Variants in SUCLA2 observed in about 807,000 individuals in gnomAD.
SUCLA2 encodes the protein succinate-CoA ligase ADP-forming subunit beta, also known as succinate--CoA ligase [ADP-forming] subunit beta, mitochondrial.
SUCLA2 carries 30 observed loss-of-function variants against 54.8 expected under a neutral mutation model. That is an observed-to-expected ratio of 0.55 (90% CI 0.41 to 0.74). The LOEUF (loss-of-function observed/expected upper bound fraction) is 0.74. Ranked by LOEUF, SUCLA2 falls within the 30% of genes least tolerant of loss-of-function variation. SUCLA2 has a pLI of 0.00. For synonymous variants in SUCLA2, 172 were observed against 188.9 expected (o/e 0.91, Z 0.74); for missense variants, 476 against 562.9 (o/e 0.85, Z 1.56).
chr13:47,983,489 CTTTTTT>C (rs10548877), intron 4 of SUCLA2, among the ~76,000 whole-genome samples: 10 of 132,496 alleles, frequency 7.5e-5, no homozygotes, highest in Admixed American at 3.0e-4. Context: ...TTTCTTTTCC[CTTTTTT>C]TTTTTTTTTT....
At chr13:47,996,626 G>C (rs1439333109) in intron 2 of SUCLA2, among the ~76,000 whole-genome samples, 2 of 151,816 alleles carry the variant, frequency 1.3e-5, no homozygotes, top group Non-Finnish European at 2.9e-5. Context: ...GCCAATGTAA[G>C]TGACTCCCAC....
Position 47,954,288 on chromosome 13 carries a change from T to C in SUCLA2, c.965-6A>G, listed in dbSNP as rs759994740. ...AGCCAAACCAGCACCATTTACTATA[T>C]AGGGGAAAATGATTTGTATAAGCAA... On this transcript the variant is annotated splice_region_variant and splice_polypyrimidine_tract_variant and intron_variant, in intron 7 of 10. Transcript: ENST00000646932. 3.2e-5 allele frequency: 51 copies of C among 1,613,600 alleles called. 1 individual carries two copies. In the South Asian group the frequency reaches 4.9e-4, roughly 16 times the overall value.
At chr13:47,994,906 A>G (rs1375448008) in intron 2 of SUCLA2, 1 of 974,340 alleles carries the variant, frequency 1.0e-6, no homozygotes. Flanking sequence ...CCTAAGAATC[A>G]TTAAGTTTTT....
chr13:47,995,105 C>A (rs554906105), intron 2 of SUCLA2, among the ~76,000 whole-genome samples: 1 of 152,142 alleles, frequency 6.6e-6, no homozygotes, highest in Non-Finnish European at 1.5e-5. Flanking sequence ...CCTGTAGTTC[C>A]AGCTACTCAG....
At chr13:47,943,711 T>A (rs749450641) in intron 10 of SUCLA2, among the ~76,000 whole-genome samples, 74 of 150,464 alleles carry the variant, frequency 4.9e-4, no homozygotes, top group Non-Finnish European at 9.2e-4. Context: ...TTACATAAGA[T>A]TATATATGTG....
At chr13:48,001,127 C>A in intron 1 of SUCLA2, 53 bp downstream of exon 1, 1 of 1,565,324 alleles carries the variant, frequency 6.4e-7, no homozygotes, top group South Asian at 1.2e-5. Context: ...CCCCTCACAC[C>A]TCACCCTTTC....
intron 5 of SUCLA2, among the ~76,000 whole-genome samples, chr13:47,972,681 A>AAAAG (rs1416086856): frequency 1.3e-5 from 2 of 150,642 alleles, no homozygotes; most frequent in African/African-American, 4.9e-5. Flanking sequence ...AAAAAAAAAA[A>AAAAG]AAAGAAAGAA....
At position 47,973,288 on chromosome 13, in the gene SUCLA2, G is replaced by T; in HGVS notation, c.639C>A (p.Gly213=). Residue 213 remains glycine, a synonymous_variant, in exon 5 of 11, where the codon GGC becomes GGA. Transcript: ENST00000646932. ...IIKEPIDIEE[G]IKKEQALQLA... is the part of the protein sequence containing the mutation. ...CCTGGAGAGCTTGTTCCTTTTTGAT[G>T]CCTTCTTCAATATCAATAGGTTCTT... 7 of 1,613,132 alleles carry T rather than the reference G, an allele frequency of 4.3e-6. No homozygotes were observed. Among genetic ancestry groups the T allele is most frequent in the Non-Finnish European group, 5.1e-6 (6 of 1,179,676 alleles).
intron 6 of SUCLA2, among the ~76,000 whole-genome samples, chr13:47,957,677 T>A (rs1949832475): frequency 6.6e-6 from 1 of 152,214 alleles, no homozygotes; most frequent in Non-Finnish European, 1.5e-5. Flanking sequence ...CCCAAATGAC[T>A]GAGAGAGGGA....
chr13:47,963,356 A>G (rs1423279771), intron 6 of SUCLA2, among the ~76,000 whole-genome samples: 1 of 152,230 alleles, frequency 6.6e-6, no homozygotes, highest in Admixed American at 6.5e-5. Flanking sequence ...AAAAACACAG[A>G]TAGAAGGCCA....
At chr13:47,968,530 T>A (rs1309421605) in intron 6 of SUCLA2, 65 bp downstream of exon 6, 4 of 1,586,730 alleles carry the variant, frequency 2.5e-6, no homozygotes, top group African/African-American at 1.3e-5. Flanking sequence ...ATGATTTAAC[T>A]TCCTTAGGGA....
intron 1 of SUCLA2, 188 bp downstream of exon 1, chr13:48,000,992 C>A (rs1184543279): frequency 2.8e-6 from 4 of 1,445,888 alleles, no homozygotes; most frequent in Non-Finnish European, 2.7e-6. Flanking sequence ...TGGGTCAGAG[C>A]CGCGCAAACA....
intron 1 of SUCLA2, among the ~76,000 whole-genome samples, chr13:48,000,269 T>G (rs1191933307): frequency 6.6e-6 from 1 of 152,156 alleles, no homozygotes; most frequent in East Asian, 1.9e-4. Flanking sequence ...CCTTCCACAG[T>G]TTTTTGTTGT....
At chr13:47,996,745 TAAAAAAAAG>T in intron 2 of SUCLA2, 89 bp downstream of exon 2, 1 of 1,122,964 alleles carries the variant, frequency 8.9e-7, no homozygotes, top group Non-Finnish European at 1.3e-6. Context: ...GTATTTTTTT[TAAAAAAAAG>T]CTAAAAGTTG....
At chr13:47,952,671 G>A (rs772135151) in intron 8 of SUCLA2, among the ~76,000 whole-genome samples, 4 of 152,006 alleles carry the variant, frequency 2.6e-5, no homozygotes, top group Non-Finnish European at 5.9e-5. Flanking sequence ...TATTGCCTTT[G>A]TCAGGGATCT....
Position 47,996,839 on chromosome 13 carries a change from G to A in SUCLA2, c.271+4C>T, listed in dbSNP as rs1434242249. The A allele has an allele frequency of 5.0e-6, 8 of 1,612,544 alleles. No homozygotes were observed. Among genetic ancestry groups the A allele is most frequent in the African/African-American group, 1.3e-5 (1 of 74,946 alleles). Reference sequence around the variant, plus strand: ...GGTGGCAAAAGCTTTTCTTAATTTAGTACCTAATTTTTTGGCAATTGCATA... The same window carrying A: ...GGTGGCAAAAGCTTTTCTTAATTTAATACCTAATTTTTTGGCAATTGCATA... On this transcript the variant is annotated splice_donor_region_variant and intron_variant, in intron 2 of 10. Coordinates refer to ENST00000646932, the MANE Select transcript of SUCLA2 (RefSeq NM_003850.3).
chr13:47,986,109 C>T (rs1950102098), intron 4 of SUCLA2, among the ~76,000 whole-genome samples: 1 of 147,890 alleles, frequency 6.8e-6, no homozygotes, highest in Admixed American at 7.0e-5. Context: ...CGGCTCACTG[C>T]AACCTCCACC....
chr13:47,984,256 C>T (rs1488640796), intron 4 of SUCLA2, among the ~76,000 whole-genome samples: 1 of 151,298 alleles, frequency 6.6e-6, no homozygotes, highest in African/African-American at 2.4e-5. Context: ...TGCAGTGGTG[C>T]AATCTCGGCT....
intron 4 of SUCLA2, among the ~76,000 whole-genome samples, chr13:47,975,085 C>T (rs777815177): frequency 2.7e-5 from 4 of 150,936 alleles, no homozygotes; most frequent in Non-Finnish European, 5.9e-5. Flanking sequence ...ACATACTACT[C>T]TTACATCCAG....
Sources: allele counts gnomAD v4.1 joint callset (sites outside exome capture counted in the v4.1 genomes callset), GRCh38; gene constraint gnomAD v4.1.1; transcripts MANE v1.5; gene names NCBI Gene and HGNC (gene_info 2026-07-23, HGNC 2026-07-21).